Variants in NBEA observed in about 807,000 individuals in gnomAD.
NBEA encodes lysosomal-trafficking regulator 2.
In NBEA, 44 loss-of-function variants were observed where a neutral mutation model predicts 343.4. The observed-to-expected ratio is 0.13, with a 90% CI of 0.10 to 0.16. The LOEUF (loss-of-function observed/expected upper bound fraction) is 0.16. Ranked by LOEUF, NBEA falls within the 10% of genes least tolerant of loss-of-function variation. The probability of loss-of-function intolerance (pLI) is 1.00; values close to 1 mark genes in which losing one functional copy is unlikely to be tolerated. For synonymous variants in NBEA, 1,175 were observed against 1,238.7 expected, an observed-to-expected ratio of 0.95 and a Z score of 1.08; for missense variants, 2,555 against 3,631.3, an observed-to-expected ratio of 0.70 and a Z score of 7.62.
chr13:35,307,058 GTATTTTCATAA>G (rs1359732070), intron 35 of NBEA, among the ~76,000 whole-genome samples: 1 of 151,912 alleles, frequency 6.6e-6, no homozygotes, highest in African/African-American at 2.4e-5. Context: ...GTATTCTTCA[GTATTTTCATAA>G]TAATATTACC....
intron 6 of NBEA, among the ~76,000 whole-genome samples, chr13:35,052,219 T>C (rs2063087918): frequency 6.6e-6 from 1 of 152,066 alleles, no homozygotes; most frequent in African/African-American, 2.4e-5. Flanking sequence ...TAATTTTCCA[T>C]AGATTCCCTA....
Position 35,035,910 on chromosome 13 carries a change from G to A in NBEA, c.295-5023G>A, listed in dbSNP as rs539657757. Among the ~76,000 whole-genome samples, 212 of 151,930 alleles carry A rather than the reference G, an allele frequency of 1.4e-3. 1 individual carries two copies. Among genetic ancestry groups the A allele is most frequent in the Non-Finnish European group, 2.2e-3 (152 of 67,850 alleles). ...TTTCAGTCTTTGTGTGTCTTTATAGGTGAAGTGTGTTTCTTTTAGGCAACA... is the reference window on the plus strand; with the variant it reads ...TTTCAGTCTTTGTGTGTCTTTATAGATGAAGTGTGTTTCTTTTAGGCAACA... On this transcript the variant is annotated intron_variant, in intron 1 of 58. Transcript: ENST00000379939.
intron 1 of NBEA, among the ~76,000 whole-genome samples, chr13:34,971,177 G>A (rs960124780): frequency 3.3e-5 from 5 of 151,970 alleles, no homozygotes; most frequent in Non-Finnish European, 7.4e-5. Flanking sequence ...CTCTCAGTGG[G>A]ACTGCTGTTG....
chr13:35,448,969 A>C (rs1268360175), intron 39 of NBEA, among the ~76,000 whole-genome samples: 1 of 152,216 alleles, frequency 6.6e-6, no homozygotes, highest in Non-Finnish European at 1.5e-5. Flanking sequence ...TTTTAAGGGC[A>C]AGTAGCAATT....
chr13:35,189,294 C>T (rs1369218512), intron 30 of NBEA, among the ~76,000 whole-genome samples: 1 of 151,926 alleles, frequency 6.6e-6, no homozygotes, highest in Admixed American at 6.6e-5. Context: ...TAATAATTAG[C>T]GAAGTTGAGC....
At chr13:35,164,979 A>C (rs1278458248) in intron 24 of NBEA, 1 of 444,084 alleles carries the variant, frequency 2.3e-6, no homozygotes, top group Non-Finnish European at 4.5e-6. Context: ...GTCAATGTTA[A>C]CTTTGTATTT....
At chr13:35,406,378 T>A (rs1594512203) in intron 38 of NBEA, among the ~76,000 whole-genome samples, 1 of 151,460 alleles carries the variant, frequency 6.6e-6, no homozygotes, top group Non-Finnish European at 1.5e-5. Context: ...TCTTTAGTGG[T>A]GATTTTCGAG....
intron 46 of NBEA, among the ~76,000 whole-genome samples, chr13:35,587,553 A>G (rs921570343): frequency 5.9e-5 from 9 of 152,160 alleles, no homozygotes; most frequent in African/African-American, 1.9e-4. Context: ...AATGTTATCA[A>G]CTGGGTTGTT....
intron 38 of NBEA, among the ~76,000 whole-genome samples, chr13:35,381,943 A>G (rs1277640486): frequency 1.3e-5 from 2 of 152,126 alleles, no homozygotes; most frequent in South Asian, 2.1e-4. Flanking sequence ...TTCTAATTAT[A>G]TTTCTTAGTT....
intron 38 of NBEA, among the ~76,000 whole-genome samples, chr13:35,416,717 G>A (rs1478081844): frequency 6.6e-6 from 1 of 152,090 alleles, no homozygotes; most frequent in African/African-American, 2.4e-5. Flanking sequence ...TTGTGTGTCT[G>A]CCAGGCTTTA....
intron 11 of NBEA, among the ~76,000 whole-genome samples, chr13:35,101,487 A>G (rs1486203929): frequency 6.6e-6 from 1 of 151,754 alleles, no homozygotes; most frequent in Non-Finnish European, 1.5e-5. Flanking sequence ...CTTATTAGCT[A>G]TTTATTGATA....
At chr13:35,284,913 T>TA (rs2035318664) in intron 34 of NBEA, among the ~76,000 whole-genome samples, 1 of 152,046 alleles carries the variant, frequency 6.6e-6, no homozygotes, top group African/African-American at 2.4e-5. Flanking sequence ...TACAGGAGTC[T>TA]AAAAGACACT....
In NBEA at chr13:35,195,955, A is replaced by G; in HGVS notation, c.5019A>G (p.Thr1673=). ...AGGTAGAAAGTTCAATTCCCCATAC[A>G]GATTCAGGAATTGGAGAGGAGCAAG... The part of the protein sequence containing the change: ...DIQVESSIPH[T]DSGIGEEQVA... Residue 1673 remains threonine, a synonymous_variant, in exon 31 of 59, where the codon ACA becomes ACG. Coordinates refer to ENST00000379939, the MANE Select transcript of NBEA (RefSeq NM_001385012.1). 1 of 1,613,572 alleles carries G rather than the reference A, an allele frequency of 6.2e-7. No homozygotes were observed. The highest frequency in any genetic ancestry group is 8.5e-7 in the Non-Finnish European group (1 of 1,179,642).
intron 41 of NBEA, among the ~76,000 whole-genome samples, chr13:35,535,939 A>G (rs945264866): frequency 5.9e-5 from 9 of 152,344 alleles, no homozygotes; most frequent in African/African-American, 2.2e-4. Flanking sequence ...ACAGTAAAAT[A>G]GACCCAATCA....
chr13:35,379,129 T>C (rs568544860), intron 38 of NBEA, among the ~76,000 whole-genome samples: 4 of 152,240 alleles, frequency 2.6e-5, no homozygotes, highest in South Asian at 4.1e-4. Flanking sequence ...ATACCTAGGA[T>C]TGGAATTGCT....
intron 1 of NBEA, among the ~76,000 whole-genome samples, chr13:34,948,054 C>T (rs976778222): frequency 2.6e-5 from 4 of 152,122 alleles, no homozygotes; most frequent in South Asian, 2.1e-4. Flanking sequence ...AAAGAAAATA[C>T]GTAATGCATT....
At chr13:35,380,600 A>C (rs2152891662) in intron 38 of NBEA, among the ~76,000 whole-genome samples, 1 of 152,222 alleles carries the variant, frequency 6.6e-6, no homozygotes, top group African/African-American at 2.4e-5. Context: ...GAGACTGATA[A>C]AGAATTTGTT....
At chr13:35,249,524 G>A (rs1401959298) in intron 34 of NBEA, among the ~76,000 whole-genome samples, 4 of 152,040 alleles carry the variant, frequency 2.6e-5, no homozygotes, top group Admixed American at 6.5e-5. Flanking sequence ...TTAAGCACAA[G>A]AAGAAACCTT....
At chr13:34,993,848 G>A (rs2060845025) in intron 1 of NBEA, among the ~76,000 whole-genome samples, 1 of 151,842 alleles carries the variant, frequency 6.6e-6, no homozygotes, top group African/African-American at 2.4e-5. Flanking sequence ...TTTGATTATG[G>A]TTCTTTTGAA....
Sources: allele counts gnomAD v4.1 joint callset (sites outside exome capture counted in the v4.1 genomes callset), GRCh38; gene constraint gnomAD v4.1.1; transcripts MANE v1.5; gene names NCBI Gene and HGNC (gene_info 2026-07-23, HGNC 2026-07-21).